Variants in ZNF500 observed in about 807,000 individuals in gnomAD.
ZNF500 encodes the protein zinc finger protein 500, also known as zinc finger protein with KRAB and SCAN domains 18.
In ZNF500, 31 loss-of-function variants were observed where a neutral mutation model predicts 30.1. The observed-to-expected ratio is 1.03, with a 90% CI of 0.77 to 1.39. The LOEUF is 1.39. ZNF500 is among the 40% of genes most tolerant of loss of function. ZNF500 has a pLI of 0.00. For missense variants in ZNF500, 817 were observed against 657.8 expected, an observed-to-expected ratio of 1.24 and a Z score of -2.65; for synonymous variants, 392 against 282.0, an observed-to-expected ratio of 1.39 and a Z score of -3.91.
At chr16:4,760,464 CT>C (rs781006518) in intron 5 of ZNF500, 27 bp downstream of exon 5, 56 of 1,608,850 alleles carry the variant, frequency 3.5e-5, no homozygotes, top group Non-Finnish European at 4.5e-5. Context: ...GGCAAGCCCC[CT>C]AGAGGACACA....
intron 5 of ZNF500, among the ~76,000 whole-genome samples, chr16:4,759,115 C>G (rs564487809): frequency 3.3e-5 from 5 of 151,076 alleles, no homozygotes; most frequent in Admixed American, 1.3e-4. Context: ...GAGGCTGAGG[C>G]AGGAGAATCG....
In ZNF500 at chr16:4,751,428, G is replaced by A. The variant is rs967197448; in HGVS notation, c.*948C>T. On this transcript the variant is annotated 3_prime_UTR_variant, in exon 6 of 6. Transcript: ENST00000219478. ...CGTCACATCCCAGGCAACATGTCAG[G>A]AAGATGGAACTCAGGGGTGCTTTCC... is the stretch of plus-strand genomic sequence containing the variant. The A allele has an allele frequency of 7.6e-5, 55 of 720,278 alleles. No individual in the cohort carries two copies. The highest frequency in any genetic ancestry group is 4.0e-4 in the Middle Eastern group (1 of 2,514). The allele number at this position is 720,278 out of a possible 1,614,324, so 44.6% of individuals were successfully genotyped here.
chr16:4,763,754 G>C, intron 2 of ZNF500: 4 of 985,420 alleles, frequency 4.1e-6, no homozygotes, highest in Non-Finnish European at 4.8e-6. Flanking sequence ...GTGGTGGCCA[G>C]GAAAGAGGCT....
rs1191360112 is a variant in ZNF500, at chr16:4,751,982, G to C, written c.*394C>G. On this transcript the variant is annotated 3_prime_UTR_variant, in exon 6 of 6. Coordinates refer to ENST00000219478, the MANE Select transcript of ZNF500 (RefSeq NM_021646.4). ...CACAGGGTCACAGACACACAGGAGA[G>C]GGGTTGGGACGTGGGGATGAGGCTG... 2.2e-6 allele frequency: 2 copies of C among 896,048 alleles called. No homozygotes were observed. The highest frequency in any genetic ancestry group is 1.5e-6 in the Non-Finnish European group (1 of 664,950). The allele number at this position is 896,048 out of a possible 1,614,324, so 55.5% of individuals were successfully genotyped here.
Position 4,752,913 on chromosome 16 carries a change from G to C in ZNF500, c.906C>G (p.Val302=). Reference sequence around the variant, plus strand: ...GGCCGCCTCTTGGCTGATCAGGCCTGACCAAGCCCCTGACTGGGGCTGGCC... The same window carrying C: ...GGCCGCCTCTTGGCTGATCAGGCCTCACCAAGCCCCTGACTGGGGCTGGCC... ...GQRPAPVRGL[V]RPDQPRGGPP... is the part of the protein sequence containing the mutation. Residue 302 remains valine (V), a synonymous_variant, in exon 6 of 6, where the codon GTC becomes GTG. Coordinates refer to ENST00000219478, the MANE Select transcript of ZNF500 (RefSeq NM_021646.4). The C allele has an allele frequency of 6.2e-7, 1 of 1,613,824 alleles. No homozygotes were observed. Among genetic ancestry groups the C allele is most frequent in the Non-Finnish European group, 8.5e-7 (1 of 1,180,004 alleles).
intron 1 of ZNF500, among the ~76,000 whole-genome samples, chr16:4,766,625 A>G (rs2082267618): frequency 6.6e-6 from 1 of 152,148 alleles, no homozygotes; most frequent in Non-Finnish European, 1.5e-5. Context: ...AAACAAAAAC[A>G]ATCTAAAAGG....
Position 4,753,009 on chromosome 16 carries a change from CG to C in ZNF500, c.809del (p.Pro270ArgfsTer2). The C allele has an allele frequency of 1.3e-6, 2 of 1,564,834 alleles. No homozygotes were observed. Among genetic ancestry groups the C allele is most frequent in the Non-Finnish European group, 8.6e-7 (1 of 1,156,386 alleles). On this transcript the variant is annotated frameshift_variant, in exon 6 of 6. Transcript: ENST00000219478. LOFTEE classifies it low-confidence loss of function (END_TRUNC). ...EDGGDGREDA[P>X]LRMEWYRVLS... Reference sequence around the variant, plus strand: ...GCACTCGGTACCACTCCATTCTCAACGGGGCATCCTCCCTGCCATCACCGCC... The same window carrying C: ...GCACTCGGTACCACTCCATTCTCAACGGGCATCCTCCCTGCCATCACCGCC...
chr16:4,745,540 C>A (rs760103051), downstream of ZNF500, among the ~76,000 whole-genome samples: 109 of 152,202 alleles, frequency 7.2e-4, 1 homozygote, highest in Non-Finnish European at 1.2e-3. Flanking sequence ...CCTCTATATG[C>A]CTGCCCTCCC....
chr16:4,749,927 A>C lies in ZNF500; in HGVS notation c.*2449T>G, dbSNP rs2082062271. Reference sequence around the variant, plus strand: ...ACAGCTCCTACAAAACTCTCCCATCACGTGAGTGCTGAGGATGACGCCCAT... The same window carrying C: ...ACAGCTCCTACAAAACTCTCCCATCCCGTGAGTGCTGAGGATGACGCCCAT... On this transcript the variant is annotated 3_prime_UTR_variant, in exon 6 of 6. Transcript: ENST00000219478. The C allele has an allele frequency of 6.6e-6, 1 of 152,242 alleles. No homozygotes were observed. Among genetic ancestry groups the C allele is most frequent in the Non-Finnish European group, 1.5e-5 (1 of 68,122 alleles). 9.4% of individuals were successfully genotyped at this position (152,242 alleles called of 1,614,324 possible). A position where few individuals can be genotyped will look rare whatever the true frequency, so the allele number is the denominator to read the frequency against.
chr16:4,751,886 G>A lies in ZNF500; in HGVS notation c.*490C>T. Reference sequence around the variant, plus strand: ...TCATGGCACTGTATTCCCGCCTGGGGGACACAGCAAGGCCCCGTCTCAAAA... The same window carrying A: ...TCATGGCACTGTATTCCCGCCTGGGAGACACAGCAAGGCCCCGTCTCAAAA... On this transcript the variant is annotated 3_prime_UTR_variant, in exon 6 of 6. Coordinates refer to ENST00000219478, the MANE Select transcript of ZNF500 (RefSeq NM_021646.4). 1 of 277,578 alleles carries A rather than the reference G, an allele frequency of 3.6e-6. No individual in the cohort carries two copies. 17.2% of individuals were successfully genotyped at this position (277,578 alleles called of 1,614,324 possible). A position where few individuals can be genotyped will look rare whatever the true frequency, so the allele number is the denominator to read the frequency against.
At chr16:4,744,872 C>G (rs2075469), downstream of ZNF500, 1 of 1,610,676 alleles carries the variant, frequency 6.2e-7, no homozygotes, top group Admixed American at 1.7e-5. Context: ...ATCCTCAGAC[C>G]GCATGGTGCC....
At chr16:4,753,297 C>T (rs1385175344) in intron 5 of ZNF500, 2 of 692,742 alleles carry the variant, frequency 2.9e-6, no homozygotes, top group Non-Finnish European at 4.2e-6. Context: ...CTCGTCTCTA[C>T]AGAAAATAAA....
rs1485060629 is a variant in ZNF500 at position 4,752,176 on chromosome 16, G to A, written c.*200C>T. ...TTCTGGCTGCCACTGGACACTCAGA[G>A]CCTGTCCTTGCCCTTGTTCTGCACC... On this transcript the variant is annotated 3_prime_UTR_variant, in exon 6 of 6. Transcript: ENST00000219478. The A allele has an allele frequency of 7.1e-6, 10 of 1,403,996 alleles. No individual in the cohort carries two copies. Among genetic ancestry groups the A allele is most frequent in the African/African-American group, 1.4e-5 (1 of 69,238 alleles). 87.0% of individuals were successfully genotyped at this position (1,403,996 alleles called of 1,614,324 possible).
At chr16:4,763,564 G>C (rs1000962264) in intron 2 of ZNF500, 40 of 985,266 alleles carry the variant, frequency 4.1e-5, no homozygotes, top group Non-Finnish European at 4.2e-5. Flanking sequence ...TACAAACCCA[G>C]CGTCAGGGAC....
Position 4,760,587 on chromosome 16 carries a change from A to T in ZNF500, c.665T>A (p.Val222Glu). 6.2e-7 allele frequency: 1 copy of T among 1,612,950 alleles called. No individual in the cohort carries two copies. Among genetic ancestry groups the T allele is most frequent in the Non-Finnish European group, 8.5e-7 (1 of 1,179,520 alleles). The change falls in exon 5 of 6, where the codon GTG becomes GAG. Residue 222 changes from valine to glutamate, a missense_variant and splice_region_variant. Transcript: ENST00000219478. Reference protein sequence around the residue: ...ASPFLSAWSQVPVNLEDVAVY... With the variant: ...ASPFLSAWSQEPVNLEDVAVY... ...AGCCACGTCCTCCAAGTTCACGGGC[A>T]CCTGCCAGAACGCACCCCACTCAGT...
chr16:4,749,474 C>T lies in ZNF500; in HGVS notation c.*2902G>A, dbSNP rs1489092924. The T allele has an allele frequency of 6.5e-6, 1 of 154,446 alleles. No homozygotes were observed. Among genetic ancestry groups the T allele is most frequent in the Admixed American group, 6.5e-5 (1 of 15,298 alleles). The allele number at this position is 154,446 out of a possible 1,614,324, so 9.6% of individuals were successfully genotyped here. A position where few individuals can be genotyped will look rare whatever the true frequency, so the allele number is the denominator to read the frequency against. ...CTGCGTCCAAAGCTGGCTCTGCCAC[C>T]TGGGCAAGGTTTTCACGCTCCCAGT... On this transcript the variant is annotated 3_prime_UTR_variant, in exon 6 of 6. Coordinates refer to ENST00000219478, the MANE Select transcript of ZNF500 (RefSeq NM_021646.4).
intron 5 of ZNF500, among the ~76,000 whole-genome samples, chr16:4,759,963 C>G (rs894120765): frequency 6.6e-6 from 1 of 152,198 alleles, no homozygotes; most frequent in African/African-American, 2.4e-5. Flanking sequence ...CGCTTGAACC[C>G]AGGAGGTGGA....
chr16:4,764,603 A>C (rs2082242082), intron 2 of ZNF500, among the ~76,000 whole-genome samples: 1 of 152,002 alleles, frequency 6.6e-6, no homozygotes, highest in African/African-American at 2.4e-5. Flanking sequence ...AACACGGTGA[A>C]ACCCTGTCTC....
At chr16:4,745,009 C>T (rs780571162), downstream of ZNF500, 32 of 1,613,032 alleles carry the variant, frequency 2.0e-5, no homozygotes, top group South Asian at 3.4e-4. Context: ...ATTCAGGAAG[C>T]AGGTGGGACT....
Sources: allele counts gnomAD v4.1 joint callset (sites outside exome capture counted in the v4.1 genomes callset), GRCh38; gene constraint gnomAD v4.1.1; transcripts MANE v1.5; gene names NCBI Gene and HGNC (gene_info 2026-07-23, HGNC 2026-07-21).